Variants in UGDH observed in about 807,000 individuals in gnomAD.
The protein encoded by UGDH is UDP-glucose 6-dehydrogenase, also known as UDP-Glc dehydrogenase.
UGDH carries 38 observed loss-of-function variants against 50.6 expected under a neutral mutation model. The ratio of observed to expected loss-of-function variants is 0.75; its 90% CI spans 0.58 to 0.98. The LOEUF is 0.98. UGDH is among the 50% of genes least tolerant of loss of function. The probability of loss-of-function intolerance (pLI) is 0.00; values close to 1 mark genes in which losing one functional copy is unlikely to be tolerated. For synonymous variants in UGDH, 168 were observed against 199.9 expected (o/e 0.84, Z 1.35); for missense variants, 465 against 606.2 (o/e 0.77, Z 2.45).
chr4:39,521,026 C>T (rs1172066291), intron 2 of UGDH, among the ~76,000 whole-genome samples: 10 of 144,530 alleles, frequency 6.9e-5, no homozygotes, highest in Admixed American at 6.5e-4. Flanking sequence ...GCTGAGCTCG[C>T]GTCATTGCAC....
intron 3 of UGDH, among the ~76,000 whole-genome samples, chr4:39,513,521 T>C (rs1746322402): frequency 6.7e-6 from 1 of 148,382 alleles, no homozygotes; most frequent in Non-Finnish European, 1.5e-5. Flanking sequence ...GTTACCAGCA[T>C]TTCCTAGTTC....
At chr4:39,519,297 C>A (rs1310647004) in intron 2 of UGDH, among the ~76,000 whole-genome samples, 1 of 151,420 alleles carries the variant, frequency 6.6e-6, no homozygotes, top group African/African-American at 2.4e-5. Context: ...CTCAAATGAT[C>A]CTTCTGTCTC....
Position 39,510,702 on chromosome 4 carries a change from G to A in UGDH, c.424C>T (p.Arg142Cys), listed in dbSNP as rs747242250. The A allele has an allele frequency of 1.3e-5, 21 of 1,614,052 alleles. No individual in the cohort carries two copies. The highest frequency in any genetic ancestry group is 8.9e-5 in the East Asian group (4 of 44,904). Residue 142 changes from arginine (R) to cysteine (C), a missense_variant, in exon 4 of 12, where the codon CGC (arginine) becomes TGC (cysteine). Physicochemically the swap from Arg to Cys is radical, Grantham distance 180. Coordinates refer to ENST00000316423, the MANE Select transcript of UGDH (RefSeq NM_003359.4). ...VPVRAAESIR[R>C]IFDANTKPNL... is the part of the protein sequence containing the mutation. ...GGTTTTGTGTTTGCATCAAATATGC[G>A]ACGGATACTTTCTGCTGCCCGCACT...
intron 11 of UGDH, 54 bp from the exon 12 acceptor site, chr4:39,500,307 A>G: frequency 5.1e-6 from 6 of 1,172,980 alleles, no homozygotes; most frequent in Non-Finnish European, 7.3e-6. Context: ...AAGTGTAAGA[A>G]TTTATAATGT....
intron 10 of UGDH, 32 bp downstream of exon 10, chr4:39,504,385 A>C (rs1281919529): frequency 3.1e-6 from 5 of 1,598,502 alleles, no homozygotes; most frequent in Non-Finnish European, 8.6e-7. Context: ...ACACCTCTAG[A>C]ATTTTCCTTA....
At position 39,523,827 on chromosome 4, in the gene UGDH, T is replaced by C. The variant is rs533825629; in HGVS notation, c.-7-2308A>G. Reference sequence around the variant, plus strand: ...ATCTCAAAAAAAAAAAAAAAAATTATTGATTCTGAATAATGTTCATATGGT... The same window carrying C: ...ATCTCAAAAAAAAAAAAAAAAATTACTGATTCTGAATAATGTTCATATGGT... On this transcript the variant is annotated intron_variant, in intron 1 of 11. Coordinates refer to ENST00000316423, the MANE Select transcript of UGDH (RefSeq NM_003359.4). 4.6e-5 allele frequency among the ~76,000 whole-genome samples: 7 copies of C among 152,046 alleles called. No individual in the cohort carries two copies. The South Asian group carries it at 1.5e-3, about 32-fold the overall frequency.
intron 6 of UGDH, among the ~76,000 whole-genome samples, chr4:39,509,003 C>G (rs1340823954): frequency 6.7e-6 from 1 of 148,800 alleles, no homozygotes; most frequent in Non-Finnish European, 1.5e-5. Flanking sequence ...GAGACAGAGT[C>G]TCCCTCTGTC....
intron 11 of UGDH, among the ~76,000 whole-genome samples, chr4:39,502,635 C>T (rs1427534375): frequency 6.6e-6 from 1 of 152,160 alleles, no homozygotes; most frequent in Non-Finnish European, 1.5e-5. Flanking sequence ...TGGAAAATAG[C>T]TCCTTATTAA....
At chr4:39,506,399 C>T (rs1196523896) in intron 7 of UGDH, among the ~76,000 whole-genome samples, 3 of 152,108 alleles carry the variant, frequency 2.0e-5, no homozygotes, top group Non-Finnish European at 4.4e-5. Context: ...ACATAGGAAA[C>T]CATACTATCC....
At chr4:39,509,150 C>T (rs1440313423) in intron 6 of UGDH, among the ~76,000 whole-genome samples, 9 of 145,544 alleles carry the variant, frequency 6.2e-5, no homozygotes, top group Non-Finnish European at 9.1e-5. Context: ...AATTTTTTGT[C>T]TTTTTTTTTT....
intron 11 of UGDH, among the ~76,000 whole-genome samples, chr4:39,503,429 C>G (rs1264740356): frequency 2.6e-5 from 4 of 152,146 alleles, no homozygotes; most frequent in African/African-American, 9.7e-5. Flanking sequence ...ACAGCACTGG[C>G]ACAGTGCTGA....
intron 5 of UGDH, 113 bp from the exon 6 acceptor site, chr4:39,510,020 C>G (rs975462810): frequency 7.4e-6 from 9 of 1,218,352 alleles, no homozygotes; most frequent in Middle Eastern, 2.6e-4. Flanking sequence ...ATATAAGATA[C>G]TGATGAGCTC....
chr4:39,507,417 G>A (rs150763089), intron 7 of UGDH, among the ~76,000 whole-genome samples: 2 of 152,280 alleles, frequency 1.3e-5, no homozygotes, highest in African/African-American at 2.4e-5. Context: ...ACGAAGTCTC[G>A]CTCTGTCATC....
chr4:39,508,681 A>G (rs1746119695), intron 6 of UGDH, 21 bp from the exon 7 acceptor site: 20 of 1,579,836 alleles, frequency 1.3e-5, no homozygotes, highest in Non-Finnish European at 1.7e-5. Flanking sequence ...AAAAAAATGA[A>G]CAATATTTTC....
At position 39,500,169 on chromosome 4, in the gene UGDH, G is replaced by T. The variant is rs1339369402; in HGVS notation, c.1459C>A (p.Pro487Thr). The change falls in exon 12 of 12, where the codon CCA (proline) becomes ACA (threonine). Residue 487 changes from proline (P) to threonine (T), a missense_variant. Transcript: ENST00000316423. Reference protein sequence around the residue: ...GEIPKFSLQDPPNKKPKV With the variant: ...GEIPKFSLQDTPNKKPKV The stretch of plus-strand genomic sequence containing the variant: ...TACACTTTAGGTTTCTTGTTAGGTG[G>T]ATCTTGAAGACTAAACTTCGGAATT... 6.3e-7 allele frequency: 1 copy of T among 1,595,790 alleles called. No homozygotes were observed.
intron 2 of UGDH, among the ~76,000 whole-genome samples, chr4:39,518,615 C>G (rs866926364): frequency 9.8e-5 from 14 of 143,122 alleles, no homozygotes; most frequent in African/African-American, 3.4e-4. Context: ...CCGCGGTTGG[C>G]CTTTAAAAAA....
At chr4:39,522,736 T>A (rs1746715381) in intron 1 of UGDH, among the ~76,000 whole-genome samples, 1 of 151,532 alleles carries the variant, frequency 6.6e-6, no homozygotes, top group African/African-American at 2.4e-5. Flanking sequence ...GGTATAGATA[T>A]CAACTCATGG....
intron 2 of UGDH, among the ~76,000 whole-genome samples, chr4:39,515,766 C>G (rs888160213): frequency 6.6e-6 from 1 of 152,172 alleles, no homozygotes; most frequent in African/African-American, 2.4e-5. Context: ...GTGGCACCAT[C>G]TCGTCTCACT....
At chr4:39,504,201 AG>A (rs1324315500) in intron 10 of UGDH, among the ~76,000 whole-genome samples, 1 of 152,024 alleles carries the variant, frequency 6.6e-6, no homozygotes, top group Non-Finnish European at 1.5e-5. Flanking sequence ...CCAGCTACTC[AG>A]GAAGCTGAGG....
Sources: gnomAD v4.1 joint callset for allele counts (sites outside exome capture counted in the v4.1 genomes callset) on GRCh38, gnomAD v4.1.1 for gene constraint, MANE v1.5 for transcripts, NCBI Gene and HGNC (gene_info 2026-07-23, HGNC 2026-07-21) for gene names.